Variants in ANTXR1 observed in about 807,000 individuals in gnomAD.
The protein encoded by ANTXR1 is ANTXR cell adhesion molecule 1, also known as anthrax toxin receptor 1.
ANTXR1 carries 19 observed loss-of-function variants against 78.1 expected under a neutral mutation model. That is an observed-to-expected ratio of 0.24 (90% CI 0.17 to 0.36). The LOEUF (loss-of-function observed/expected upper bound fraction) is 0.36, where lower values mean the gene tolerates loss of function less well. ANTXR1 is among the 10% of genes least tolerant of loss of function. The pLI, the probability that ANTXR1 is intolerant of heterozygous loss-of-function variation, is 1.00. For missense variants in ANTXR1, 518 were observed against 718.6 expected, an observed-to-expected ratio of 0.72 and a Z score of 3.19; for synonymous variants, 273 against 260.5, an observed-to-expected ratio of 1.05 and a Z score of -0.46.
intron 17 of ANTXR1, among the ~76,000 whole-genome samples, chr2:69,220,351 G>A (rs1161041048): frequency 6.6e-6 from 1 of 152,148 alleles, no homozygotes; most frequent in Non-Finnish European, 1.5e-5. Flanking sequence ...TTAAACCGTT[G>A]CAGTTGTAGT....
Position 69,102,863 on chromosome 2 carries a change from G to A in ANTXR1, c.725G>A (p.Arg242Lys). The A allele has an allele frequency of 6.2e-7, 1 of 1,614,182 alleles. No homozygotes were observed. Among genetic ancestry groups the A allele is most frequent in the Non-Finnish European group, 8.5e-7 (1 of 1,180,030 alleles). ...TCAGAGTCATTTCAAGTTGTCGTGAGAGGAAACGGCTTCCGACATGCCCGC... is the reference window on the plus strand; with the variant it reads ...TCAGAGTCATTTCAAGTTGTCGTGAAAGGAAACGGCTTCCGACATGCCCGC... ...CAGESFQVVV[R>K]GNGFRHARNV... The change falls in exon 10 of 18, where the codon AGA becomes AAA. Residue 242 changes from arginine to lysine, a missense_variant. Around this residue, in one of 5 missense-constraint regions of ANTXR1, gnomAD observed 264 missense variants for 391.8 expected, o/e 0.67. Coordinates refer to ENST00000303714, the MANE Select transcript of ANTXR1 (RefSeq NM_032208.3).
At chr2:69,030,941 G>A (rs2104029180) in intron 1 of ANTXR1, among the ~76,000 whole-genome samples, 1 of 152,244 alleles carries the variant, frequency 6.6e-6, no homozygotes, top group African/African-American at 2.4e-5. Context: ...TGATTGTCTG[G>A]GACATAAGCT....
chr2:69,039,132 GC>G (rs1056735050), intron 1 of ANTXR1, among the ~76,000 whole-genome samples: 2 of 152,152 alleles, frequency 1.3e-5, no homozygotes, highest in African/African-American at 4.8e-5. Context: ...AAGCAGAAAT[GC>G]AGAGCTTGCC....
At chr2:69,078,535 G>A (rs890585845) in intron 8 of ANTXR1, among the ~76,000 whole-genome samples, 1 of 152,194 alleles carries the variant, frequency 6.6e-6, no homozygotes, top group Non-Finnish European at 1.5e-5. Flanking sequence ...TTCAGGGTTT[G>A]CTAGGAGCTC....
chr2:69,035,812 T>C (rs7558776), intron 1 of ANTXR1, among the ~76,000 whole-genome samples: 18,888 of 152,236 alleles, frequency 0.12, 3,299 homozygotes, highest in African/African-American at 0.39. Context: ...CTTCAGAAAA[T>C]TCAGCTTTTG....
intron 10 of ANTXR1, among the ~76,000 whole-genome samples, chr2:69,107,455 G>T (rs748543615): frequency 7.2e-5 from 11 of 152,176 alleles, no homozygotes; most frequent in African/African-American, 2.6e-4. Context: ...GCCCAGGCTG[G>T]TCTCGAACTC....
At chr2:69,124,508 A>C in intron 11 of ANTXR1, 57 bp from the exon 12 acceptor site, 1 of 1,495,720 alleles carries the variant, frequency 6.7e-7, no homozygotes, top group Non-Finnish European at 9.3e-7. Context: ...TCTGGCTCTC[A>C]GCCTGTTGCT....
At chr2:69,042,812 G>A (rs1448092765) in intron 2 of ANTXR1, among the ~76,000 whole-genome samples, 1 of 152,128 alleles carries the variant, frequency 6.6e-6, no homozygotes, top group African/African-American at 2.4e-5. Flanking sequence ...GGAGCACTCT[G>A]CAGCCTTTAG....
At chr2:69,116,055 T>C (rs181356093) in intron 10 of ANTXR1, among the ~76,000 whole-genome samples, 8 of 152,352 alleles carry the variant, frequency 5.3e-5, no homozygotes, top group Admixed American at 5.2e-4. Context: ...TCTCAACCAC[T>C]GTTCAGCCTG....
intron 1 of ANTXR1, among the ~76,000 whole-genome samples, chr2:69,019,439 C>T (rs777603634): frequency 6.6e-6 from 1 of 151,992 alleles, no homozygotes; most frequent in African/African-American, 2.4e-5. Context: ...CAAATAATTT[C>T]CTAGTTGATT....
intron 12 of ANTXR1, among the ~76,000 whole-genome samples, chr2:69,138,426 T>C (rs1383877390): frequency 6.6e-6 from 1 of 152,208 alleles, no homozygotes; most frequent in Non-Finnish European, 1.5e-5. Flanking sequence ...GTGTATTTTC[T>C]AATCAGGATA....
intron 10 of ANTXR1, among the ~76,000 whole-genome samples, chr2:69,120,399 C>T (rs1287275744): frequency 1.3e-5 from 2 of 152,192 alleles, no homozygotes; most frequent in African/African-American, 2.4e-5. Flanking sequence ...GGTGCGGTGG[C>T]TCACGCCTGT....
At chr2:69,187,200 C>T (rs1419776617) in intron 16 of ANTXR1, among the ~76,000 whole-genome samples, 1 of 152,166 alleles carries the variant, frequency 6.6e-6, no homozygotes, top group African/African-American at 2.4e-5. Context: ...ACCATCTCCC[C>T]GTCTAATTTA....
At chr2:69,155,008 T>G (rs1573939037) in intron 13 of ANTXR1, among the ~76,000 whole-genome samples, 2 of 152,180 alleles carry the variant, frequency 1.3e-5, no homozygotes, top group South Asian at 4.1e-4. Flanking sequence ...CAGGCCTGCC[T>G]CTGCTCAGCA....
chr2:69,181,499 G>A (rs1035072308), intron 14 of ANTXR1, among the ~76,000 whole-genome samples: 1 of 152,194 alleles, frequency 6.6e-6, no homozygotes, highest in African/African-American at 2.4e-5. Flanking sequence ...ATGTAGGTGG[G>A]GTTAGATGCG....
intron 13 of ANTXR1, among the ~76,000 whole-genome samples, chr2:69,153,086 A>T (rs187053552): frequency 3.0e-4 from 45 of 152,342 alleles, no homozygotes; most frequent in African/African-American, 1.0e-3. Flanking sequence ...TCAACAAATC[A>T]GTGTGTGCTG....
chr2:69,227,182 T>C (rs1190468846), intron 17 of ANTXR1, among the ~76,000 whole-genome samples: 2 of 152,252 alleles, frequency 1.3e-5, no homozygotes, highest in East Asian at 3.8e-4. Context: ...GTAAATTTTC[T>C]GTTTTTCTGT....
intron 1 of ANTXR1, among the ~76,000 whole-genome samples, chr2:69,032,980 A>G (rs1333654087): frequency 6.6e-6 from 1 of 152,090 alleles, no homozygotes; most frequent in Non-Finnish European, 1.5e-5. Context: ...ATTCTATTCT[A>G]TTTTTTTAAT....
At position 69,120,139 on chromosome 2, in the gene ANTXR1, G is replaced by A. The variant is rs1017748946; in HGVS notation, c.803-2878G>A. ...GTTCGAAACACTGACATTACCCTATGGTTGGGCAAAATCATCTAACGCAAA... is the reference window on the plus strand; with the variant it reads ...GTTCGAAACACTGACATTACCCTATAGTTGGGCAAAATCATCTAACGCAAA... On this transcript the variant is annotated intron_variant, in intron 10 of 17. Transcript: ENST00000303714. 1.1e-4 allele frequency among the ~76,000 whole-genome samples: 16 copies of A among 152,158 alleles called. 1 individual carries two copies. The highest frequency in any genetic ancestry group is 8.5e-4 in the Admixed American group (13 of 15,286).
Sources: allele counts gnomAD v4.1 joint callset (sites outside exome capture counted in the v4.1 genomes callset), GRCh38; gene constraint gnomAD v4.1.1; regional missense constraint gnomAD v4.1.1; transcripts MANE v1.5; gene names NCBI Gene and HGNC (gene_info 2026-07-23, HGNC 2026-07-21).